The following RFX7 variants were observed in gnomAD, a reference collection of about 807,000 sequenced individuals.
RFX7 encodes regulatory factor X7, also known as DNA-binding protein RFX7.
A neutral mutation model predicts 111.8 loss-of-function variants in RFX7; 26 were observed. That is an observed-to-expected ratio of 0.23 (90% CI 0.17 to 0.32). The LOEUF (loss-of-function observed/expected upper bound fraction) is 0.32, where lower values mean the gene tolerates loss of function less well. Among genes scored for constraint, RFX7 ranks in the 10% least tolerant of loss-of-function variants. The pLI, the probability that RFX7 is intolerant of heterozygous loss-of-function variation, is 1.00. For synonymous variants in RFX7, 624 were observed against 624.4 expected (o/e 1.00, Z 0.01); for missense variants, 1,573 against 1,772.9 (o/e 0.89, Z 2.02).
intron 2 of RFX7, among the ~76,000 whole-genome samples, chr15:56,213,457 T>A (rs939303130): frequency 2.6e-5 from 4 of 152,180 alleles, no homozygotes; most frequent in African/African-American, 9.7e-5. Flanking sequence ...TATGATCCTA[T>A]CTACATAACA....
intron 3 of RFX7, among the ~76,000 whole-genome samples, chr15:56,146,207 C>T (rs1396970752): frequency 6.6e-6 from 1 of 152,090 alleles, no homozygotes; most frequent in Non-Finnish European, 1.5e-5. Flanking sequence ...AACTGATCAT[C>T]CCACCTCAGC....
At position 56,111,356 on chromosome 15, in the gene RFX7, C is replaced by T. The variant is rs1219024321; in HGVS notation, c.402-7686G>A. ...TTGATCTGTGACCTTACCCCCAACC[C>T]GGTGCTCTCTGAAACATGTGCTGTG... On this transcript the variant is annotated intron_variant, in intron 5 of 9. Coordinates refer to ENST00000559447, the MANE Select transcript of RFX7 (RefSeq NM_022841.7). Among the ~76,000 whole-genome samples the T allele has an allele frequency of 2.6e-5, 4 of 152,114 alleles. No homozygotes were observed. The South Asian group carries it at 8.3e-4, about 32-fold the overall frequency.
chr15:56,169,822 G>C (rs2042825213), intron 3 of RFX7, among the ~76,000 whole-genome samples: 1 of 151,298 alleles, frequency 6.6e-6, no homozygotes, highest in Non-Finnish European at 1.5e-5. Context: ...GGATGAGAGT[G>C]GGGTGGATTG....
Position 56,094,176 on chromosome 15 carries a change from T to C in RFX7, c.3552A>G (p.Pro1184=). The C allele has an allele frequency of 6.2e-7, 1 of 1,613,952 alleles. No individual in the cohort carries two copies. The highest frequency in any genetic ancestry group is 1.1e-5 in the South Asian group (1 of 91,078). ...CATTAGATCGTGGGATATTAGATAC[T>C]GGATAGAGGGTGCTTCCACTAAGAT... ...QRNLSGSTLY[P]VSNIPRSNVT... Residue 1184 remains proline, a synonymous_variant, in exon 10 of 10, where the codon CCA becomes CCG. Transcript: ENST00000559447.
chr15:56,197,921 G>A (rs905603242), intron 2 of RFX7, among the ~76,000 whole-genome samples: 1 of 152,036 alleles, frequency 6.6e-6, no homozygotes, highest in Non-Finnish European at 1.5e-5. Flanking sequence ...ATATGGTCTT[G>A]CTAGTGCTGA....
chr15:56,111,143 G>C (rs2041924356), intron 5 of RFX7, among the ~76,000 whole-genome samples: 2 of 141,936 alleles, frequency 1.4e-5, no homozygotes, highest in South Asian at 5.0e-4. Flanking sequence ...CCGTCTGGGA[G>C]GTTTACCCAA....
intron 6 of RFX7, among the ~76,000 whole-genome samples, chr15:56,103,331 C>CTA (rs1300881601): frequency 6.6e-6 from 1 of 152,072 alleles, no homozygotes; most frequent in East Asian, 1.9e-4. Flanking sequence ...AAGGTAAAAT[C>CTA]TATCACAATT....
chr15:56,180,989 C>G (rs1427132122), intron 2 of RFX7, among the ~76,000 whole-genome samples: 1 of 152,158 alleles, frequency 6.6e-6, no homozygotes, highest in Non-Finnish European at 1.5e-5. Flanking sequence ...TAACTGGTTT[C>G]TCTGTTTCTA....
rs1302200389 is a variant in RFX7 at position 56,165,809 on chromosome 15, T to TTC, written c.195+13460_195+13461insGA. Among the ~76,000 whole-genome samples, 61 of 152,134 alleles carry TTC rather than the reference T, an allele frequency of 4.0e-4. 1 individual carries two copies. The highest frequency in any genetic ancestry group is 6.8e-4 in the Non-Finnish European group (46 of 67,990). ...CTGGCTGGTTAGAAAGCCTAGAAAA[T>TTC]AAGATGGTACACTCTTCCTGGAAGG... is the stretch of plus-strand genomic sequence containing the variant. On this transcript the variant is annotated intron_variant, in intron 3 of 9. Coordinates refer to ENST00000559447, the MANE Select transcript of RFX7 (RefSeq NM_022841.7).
chr15:56,137,823 C>G (rs1253928539), intron 5 of RFX7, among the ~76,000 whole-genome samples: 1 of 152,044 alleles, frequency 6.6e-6, no homozygotes, highest in African/African-American at 2.4e-5. Context: ...TGTCTTTGTT[C>G]TCCTTGGTTT....
intron 3 of RFX7, among the ~76,000 whole-genome samples, chr15:56,173,676 G>A (rs2042870493): frequency 6.6e-6 from 1 of 151,930 alleles, no homozygotes; most frequent in South Asian, 2.1e-4. Flanking sequence ...CAGCTACTCT[G>A]GAGGCTACTC....
chr15:56,222,131 T>C (rs2043432999), intron 2 of RFX7, among the ~76,000 whole-genome samples: 1 of 152,176 alleles, frequency 6.6e-6, no homozygotes, highest in South Asian at 2.1e-4. Flanking sequence ...TATATTTTTG[T>C]TTGATTTAAA....
chr15:56,203,121 G>A (rs2043210856), intron 2 of RFX7, among the ~76,000 whole-genome samples: 1 of 152,158 alleles, frequency 6.6e-6, no homozygotes, highest in Admixed American at 6.5e-5. Context: ...ATGTATTACA[G>A]TCAGTAAGGG....
At chr15:56,174,695 C>T (rs747413164) in intron 3 of RFX7, among the ~76,000 whole-genome samples, 2 of 151,796 alleles carry the variant, frequency 1.3e-5, no homozygotes, top group Non-Finnish European at 2.9e-5. Flanking sequence ...TGCAGTGAGC[C>T]GAGATTGCAC....
chr15:56,109,162 C>T (rs1347515009), intron 5 of RFX7, among the ~76,000 whole-genome samples: 4 of 152,222 alleles, frequency 2.6e-5, no homozygotes, highest in East Asian at 1.9e-4. Flanking sequence ...TCTCCTGCCT[C>T]AGCCTGCCGA....
intron 2 of RFX7, among the ~76,000 whole-genome samples, chr15:56,235,415 C>A (rs1281297609): frequency 6.6e-6 from 1 of 152,094 alleles, no homozygotes; most frequent in East Asian, 1.9e-4. Flanking sequence ...ACCTCATGAT[C>A]CGCCCACCTC....
At chr15:56,197,258 C>T (rs1273745181) in intron 2 of RFX7, among the ~76,000 whole-genome samples, 1 of 152,036 alleles carries the variant, frequency 6.6e-6, no homozygotes, top group Non-Finnish European at 1.5e-5. Flanking sequence ...TCTTTTTATA[C>T]TTTAGATACT....
chr15:56,214,023 T>A (rs1179652299), intron 2 of RFX7, among the ~76,000 whole-genome samples: 1 of 152,226 alleles, frequency 6.6e-6, no homozygotes, highest in Non-Finnish European at 1.5e-5. Flanking sequence ...GCTGCCATTA[T>A]CTGAAAGCTC....
intron 4 of RFX7, among the ~76,000 whole-genome samples, chr15:56,143,130 G>C (rs1306427723): frequency 1.3e-5 from 2 of 152,140 alleles, no homozygotes; most frequent in African/African-American, 4.8e-5. Flanking sequence ...GCAGGTGATA[G>C]AGCACTGACA....
Sources: allele counts gnomAD v4.1 joint callset (sites outside exome capture counted in the v4.1 genomes callset), GRCh38; gene constraint gnomAD v4.1.1; transcripts MANE v1.5; gene names NCBI Gene and HGNC (gene_info 2026-07-23, HGNC 2026-07-21).